The following CDS1 variants were observed in gnomAD, a reference collection of about 807,000 sequenced individuals.
CDS1 encodes CDP-diacylglycerol synthase 1.
Under a neutral mutation model 62.1 loss-of-function variants are expected in CDS1, and 41 were observed. The observed-to-expected ratio is 0.66, with a 90% CI of 0.51 to 0.86. CDS1 has a LOEUF of 0.86. Among genes scored for constraint, CDS1 ranks in the 40% least tolerant of loss-of-function variants. The pLI is 0.00. For synonymous variants in CDS1, 185 were observed against 192.6 expected (o/e 0.96, Z 0.32); for missense variants, 470 against 550.1 (o/e 0.85, Z 1.46).
At chr4:84,632,409 A>C (rs1443396191) in intron 6 of CDS1, among the ~76,000 whole-genome samples, 2 of 152,190 alleles carry the variant, frequency 1.3e-5, no homozygotes, top group Admixed American at 6.5e-5. Context: ...TTATTTTCTT[A>C]AACTGTAGCT....
intron 8 of CDS1, among the ~76,000 whole-genome samples, chr4:84,635,605 GCCTGCCTGCCTGCCTGCCTGCCTT>G (rs1724162084): frequency 1.1e-5 from 1 of 92,214 alleles, no homozygotes; most frequent in Middle Eastern, 5.4e-3. Context: ...CTGCCTGCCT[GCCTGCCTGCCTGCCTGCCTGCCTT>G]CCTTCCTTCC....
chr4:84,644,487 A>AT (rs796778753), intron 11 of CDS1, among the ~76,000 whole-genome samples: 5 of 152,204 alleles, frequency 3.3e-5, no homozygotes, highest in African/African-American at 1.2e-4. Context: ...CCAATCCAAG[A>AT]TTTTTTGTTA....
intron 3 of CDS1, among the ~76,000 whole-genome samples, chr4:84,610,826 G>T (rs1243401887): frequency 6.6e-6 from 1 of 152,106 alleles, no homozygotes; most frequent in Non-Finnish European, 1.5e-5. Context: ...ATACCATATA[G>T]ACTAGATGTA....
intron 10 of CDS1, among the ~76,000 whole-genome samples, chr4:84,642,568 TC>T (rs1234504353): frequency 6.6e-6 from 1 of 152,212 alleles, no homozygotes; most frequent in Non-Finnish European, 1.5e-5. Context: ...TTTGTGTTTT[TC>T]CACAGCATTC....
intron 8 of CDS1, among the ~76,000 whole-genome samples, chr4:84,637,331 C>CT (rs1037746923): frequency 4.6e-5 from 7 of 152,124 alleles, no homozygotes; most frequent in African/African-American, 1.7e-4. Flanking sequence ...AATGCCAGAG[C>CT]TTTAATTGGC....
intron 10 of CDS1, 82 bp from the exon 11 acceptor site, chr4:84,642,942 A>G: frequency 1.5e-6 from 2 of 1,350,442 alleles, no homozygotes; most frequent in Non-Finnish European, 2.1e-6. Flanking sequence ...CTATTTACAC[A>G]ATGGTTCTTA....
chr4:84,588,401 GTTC>G (rs1722481809), intron 1 of CDS1, among the ~76,000 whole-genome samples: 1 of 152,126 alleles, frequency 6.6e-6, no homozygotes, highest in Non-Finnish European at 1.5e-5. Context: ...CACCCCACAG[GTTC>G]TTCTTTCTTG....
chr4:84,595,674 G>T (rs542312891), intron 1 of CDS1, among the ~76,000 whole-genome samples: 3 of 152,258 alleles, frequency 2.0e-5, no homozygotes, highest in Non-Finnish European at 4.4e-5. Context: ...ATTTATCTTA[G>T]CCCTGAAAAA....
chr4:84,643,381 C>T (rs1578055965), intron 11 of CDS1, among the ~76,000 whole-genome samples: 2 of 152,144 alleles, frequency 1.3e-5, no homozygotes, highest in East Asian at 1.9e-4. Flanking sequence ...ATAGACATGG[C>T]ATGTGTCCTT....
chr4:84,605,079 A>G (rs1425511749), intron 2 of CDS1, among the ~76,000 whole-genome samples: 2 of 152,240 alleles, frequency 1.3e-5, no homozygotes, highest in African/African-American at 4.8e-5. Flanking sequence ...GAATTATAAA[A>G]TTTATAAAAG....
rs1724699906 is a variant in CDS1, at chr4:84,650,495, A to G, written c.*1809A>G. On this transcript the variant is annotated 3_prime_UTR_variant, in exon 13 of 13. Transcript: ENST00000295887. ...AAAAAATTTAGGCTACCAAAGTTTAAAGAATAAAATGAAAATTTTATAAGA... is the reference window on the plus strand; with the variant it reads ...AAAAAATTTAGGCTACCAAAGTTTAGAGAATAAAATGAAAATTTTATAAGA... The G allele has an allele frequency of 1.3e-5, 2 of 152,236 alleles. No individual in the cohort carries two copies. 9.4% of individuals were successfully genotyped at this position (152,236 alleles called of 1,614,324 possible).
chr4:84,638,940 CTT>C lies in CDS1; in HGVS notation c.828_829del (p.Trp277GlyfsTer36). The C allele has an allele frequency of 1.3e-6, 2 of 1,560,656 alleles. No individual in the cohort carries two copies. Among genetic ancestry groups the C allele is most frequent in the Non-Finnish European group, 1.7e-6 (2 of 1,154,068 alleles). On this transcript the variant is annotated frameshift_variant, in exon 9 of 13. Coordinates refer to ENST00000295887, the MANE Select transcript of CDS1 (RefSeq NM_001263.4). LOFTEE classifies it high-confidence loss of function. ...CTTTTTTAGTTGTCTCCTAAAAAGA[CTT>C]GGGAAGGATTCATTGGTGGTTTCTT...
chr4:84,594,492 A>G (rs567534650), intron 1 of CDS1, among the ~76,000 whole-genome samples: 51 of 152,190 alleles, frequency 3.4e-4, no homozygotes, highest in African/African-American at 1.2e-3. Context: ...CAGAGCTACT[A>G]ATGTGTCTGC....
At chr4:84,613,085 G>GAT (rs145991468) in intron 3 of CDS1, among the ~76,000 whole-genome samples, 1,775 of 148,122 alleles carry the variant, frequency 0.012, 28 homozygotes, top group African/African-American at 0.028. Flanking sequence ...TACATGCATA[G>GAT]ATATATATAT....
chr4:84,615,240 C>T (rs1723451894), intron 3 of CDS1, among the ~76,000 whole-genome samples: 1 of 152,054 alleles, frequency 6.6e-6, no homozygotes, highest in Non-Finnish European at 1.5e-5. Flanking sequence ...GTTCTACCCC[C>T]TATACTTCTC....
intron 12 of CDS1, among the ~76,000 whole-genome samples, chr4:84,647,779 A>G (rs1429538387): frequency 2.0e-5 from 3 of 152,170 alleles, no homozygotes; most frequent in Admixed American, 2.0e-4. Context: ...TTGTGGTAAC[A>G]CTAAATAGCA....
At chr4:84,599,950 A>ATT (rs1311277910) in intron 1 of CDS1, among the ~76,000 whole-genome samples, 2 of 152,188 alleles carry the variant, frequency 1.3e-5, no homozygotes, top group Non-Finnish European at 2.9e-5. Context: ...TTTTTAAAAA[A>ATT]ACTGTGATAC....
At chr4:84,627,368 T>C (rs965007257) in intron 5 of CDS1, among the ~76,000 whole-genome samples, 2 of 152,198 alleles carry the variant, frequency 1.3e-5, no homozygotes, top group African/African-American at 4.8e-5. Flanking sequence ...TGAGTTTGAC[T>C]GATAGCAGAG....
At chr4:84,648,151 A>T (rs1724609077) in intron 12 of CDS1, among the ~76,000 whole-genome samples, 1 of 152,164 alleles carries the variant, frequency 6.6e-6, no homozygotes, top group African/African-American at 2.4e-5. Flanking sequence ...GAAGTTAAAA[A>T]TTTCAATTAT....
Sources: gnomAD v4.1 joint callset for allele counts (sites outside exome capture counted in the v4.1 genomes callset) on GRCh38, gnomAD v4.1.1 for gene constraint, MANE v1.5 for transcripts, NCBI Gene and HGNC (gene_info 2026-07-23, HGNC 2026-07-21) for gene names.